NMBR: variants seen among roughly 807,000 people sequenced by gnomAD.
The protein encoded by NMBR is neuromedin B receptor, also known as neuromedin-B receptor.
NMBR carries 16 observed loss-of-function variants against 20.5 expected under a neutral mutation model. That is an observed-to-expected ratio of 0.78 (90% CI 0.53 to 1.19). NMBR has a LOEUF of 1.19. Ranked by LOEUF, NMBR falls within the 50% of genes most tolerant of loss-of-function variation. The probability of loss-of-function intolerance (pLI) is 0.00; values close to 1 mark genes in which losing one functional copy is unlikely to be tolerated. For missense variants in NMBR, 582 were observed against 499.1 expected (o/e 1.17, Z -1.58); for synonymous variants, 212 against 196.6 (o/e 1.08, Z -0.65).
chr6:142,097,700 G>T (rs1397746828), intron 1 of NMBR, among the ~76,000 whole-genome samples: 1 of 152,028 alleles, frequency 6.6e-6, no homozygotes, highest in African/African-American at 2.4e-5. Flanking sequence ...AAATCAGCAA[G>T]TAATTATATC....
At chr6:142,105,720 T>G (rs1309273801) in intron 1 of NMBR, among the ~76,000 whole-genome samples, 3 of 152,156 alleles carry the variant, frequency 2.0e-5, no homozygotes, top group Non-Finnish European at 2.9e-5. Flanking sequence ...GTTACATACA[T>G]TAACTACAAT....
chr6:142,106,252 A>G (rs1171776141), intron 1 of NMBR, among the ~76,000 whole-genome samples: 1 of 152,176 alleles, frequency 6.6e-6, no homozygotes, highest in East Asian at 1.9e-4. Context: ...CAAGGAGGCA[A>G]AACAGGGAGA....
At chr6:142,093,063 G>T (rs1198547940) in intron 1 of NMBR, among the ~76,000 whole-genome samples, 1 of 151,978 alleles carries the variant, frequency 6.6e-6, no homozygotes, top group Non-Finnish European at 1.5e-5. Context: ...CTCTGGTCTT[G>T]CCCTCAAAGC....
chr6:142,102,784 A>G (rs1029470838), intron 1 of NMBR, among the ~76,000 whole-genome samples: 1 of 152,222 alleles, frequency 6.6e-6, no homozygotes, highest in Non-Finnish European at 1.5e-5. Context: ...ATCAAGGCAT[A>G]AAGTTGTCCG....
At chr6:142,116,632 G>A (rs1002101303) in intron 1 of NMBR, among the ~76,000 whole-genome samples, 3 of 152,028 alleles carry the variant, frequency 2.0e-5, no homozygotes, top group African/African-American at 7.2e-5. Flanking sequence ...CTTCCCAGCA[G>A]AGTCTTCCTT....
At chr6:142,103,075 G>A (rs1777594870) in intron 1 of NMBR, among the ~76,000 whole-genome samples, 1 of 152,148 alleles carries the variant, frequency 6.6e-6, no homozygotes, top group African/African-American at 2.4e-5. Flanking sequence ...GCCTATGTGA[G>A]TTGTGAGATA....
intron 1 of NMBR, among the ~76,000 whole-genome samples, chr6:142,128,919 AGAG>A (rs1262722022): frequency 2.6e-5 from 4 of 151,576 alleles, no homozygotes; most frequent in Non-Finnish European, 5.9e-5. Context: ...GAAGAGCTTA[AGAG>A]GAATCAGTAT....
intron 1 of NMBR, among the ~76,000 whole-genome samples, chr6:142,130,188 C>T (rs1376788873): frequency 6.6e-6 from 1 of 152,052 alleles, no homozygotes; most frequent in African/African-American, 2.4e-5. Flanking sequence ...AAGTTTATTT[C>T]CCCCTCACTT....
intron 2 of NMBR, among the ~76,000 whole-genome samples, chr6:142,083,517 G>A (rs1777139909): frequency 6.6e-6 from 1 of 152,226 alleles, no homozygotes; most frequent in African/African-American, 2.4e-5. Flanking sequence ...GTTTGGCTCT[G>A]CATCCCCAAC....
At chr6:142,087,789 A>G (rs1019345015) in intron 2 of NMBR, among the ~76,000 whole-genome samples, 1 of 152,198 alleles carries the variant, frequency 6.6e-6, no homozygotes, top group Non-Finnish European at 1.5e-5. Flanking sequence ...AAGAAATAAA[A>G]ATTAAATATT....
In NMBR at chr6:142,141,346, A is replaced by T. The variant is rs9484602; in HGVS notation, c.-664+5698T>A. Among the ~76,000 whole-genome samples the T allele has an allele frequency of 1.0e-2, 1,516 of 152,324 alleles. 22 individuals carry two copies. Among genetic ancestry groups the T allele is most frequent in the African/African-American group, 0.033 (1,382 of 41,570 alleles). Reference sequence around the variant, plus strand: ...GATCAAAGAAAAAATTACCTGGGAAATTAAAAACTACTTTAAACAAAAATG... The same window carrying T: ...GATCAAAGAAAAAATTACCTGGGAATTTAAAAACTACTTTAAACAAAAATG... On this transcript the variant is annotated intron_variant, in intron 1 of 3. Transcript: ENST00000258042.
intron 1 of NMBR, among the ~76,000 whole-genome samples, chr6:142,119,450 A>G (rs1343183841): frequency 6.6e-6 from 1 of 151,906 alleles, no homozygotes; most frequent in Non-Finnish European, 1.5e-5. Flanking sequence ...GTCTGTTCTC[A>G]CCCAAAACAT....
At chr6:142,112,881 TAA>T (rs1241367201) in intron 1 of NMBR, among the ~76,000 whole-genome samples, 2 of 148,622 alleles carry the variant, frequency 1.3e-5, no homozygotes, top group Non-Finnish European at 3.0e-5. Flanking sequence ...TTAATTTGAT[TAA>T]AAGAGGATTT....
intron 1 of NMBR, among the ~76,000 whole-genome samples, chr6:142,135,346 G>A (rs900495756): frequency 6.6e-6 from 1 of 152,002 alleles, no homozygotes; most frequent in African/African-American, 2.4e-5. Flanking sequence ...ATTTGAGGGT[G>A]TAATTATTTT....
chr6:142,092,272 A>G (rs1487546527), intron 1 of NMBR, among the ~76,000 whole-genome samples: 1 of 152,186 alleles, frequency 6.6e-6, no homozygotes, highest in Admixed American at 6.5e-5. Flanking sequence ...AGTCAGCTGC[A>G]TGTAGATAAG....
At chr6:142,096,733 C>A (rs1777461467) in intron 1 of NMBR, among the ~76,000 whole-genome samples, 1 of 151,944 alleles carries the variant, frequency 6.6e-6, no homozygotes, top group Admixed American at 6.6e-5. Context: ...TCCTTGTTGA[C>A]TTTCTGTCTC....
chr6:142,125,460 C>T (rs1467183970), intron 1 of NMBR, among the ~76,000 whole-genome samples: 1 of 151,970 alleles, frequency 6.6e-6, no homozygotes, highest in Non-Finnish European at 1.5e-5. Context: ...TACACATATA[C>T]ATGTGCATGC....
At chr6:142,100,954 G>A (rs1340006770) in intron 1 of NMBR, among the ~76,000 whole-genome samples, 1 of 152,154 alleles carries the variant, frequency 6.6e-6, no homozygotes, top group East Asian at 1.9e-4. Flanking sequence ...TGTTAAAAGA[G>A]AATTATTAGC....
chr6:142,124,175 A>G (rs1021770235), intron 1 of NMBR, among the ~76,000 whole-genome samples: 9 of 152,052 alleles, frequency 5.9e-5, no homozygotes, highest in Non-Finnish European at 1.2e-4. Flanking sequence ...ACAGATCAAG[A>G]CAGCTCCAGA....
Sources: gnomAD v4.1 joint callset for allele counts (sites outside exome capture counted in the v4.1 genomes callset) on GRCh38, gnomAD v4.1.1 for gene constraint, MANE v1.5 for transcripts, NCBI Gene and HGNC (gene_info 2026-07-23, HGNC 2026-07-21) for gene names.